Variants in MYLK observed in about 807,000 individuals in gnomAD.
MYLK encodes myosin light chain kinase, also known as myosin light chain kinase, smooth muscle.
A neutral mutation model predicts 203.4 loss-of-function variants in MYLK; 106 were observed. The ratio of observed to expected loss-of-function variants is 0.52; its 90% CI spans 0.45 to 0.61. The LOEUF (loss-of-function observed/expected upper bound fraction) is 0.61. MYLK is among the 20% of genes least tolerant of loss of function. The probability of loss-of-function intolerance (pLI) is 0.00; values close to 1 mark genes in which losing one functional copy is unlikely to be tolerated. For synonymous variants in MYLK, 867 were observed against 959.5 expected, an observed-to-expected ratio of 0.90 and a Z score of 1.78; for missense variants, 2,072 against 2,442.3, an observed-to-expected ratio of 0.85 and a Z score of 3.20.
chr3:123,664,379 A>T lies in MYLK; in HGVS notation c.3832-121T>A, dbSNP rs2059667006. 55 of 1,317,422 alleles carry T rather than the reference A, an allele frequency of 4.2e-5. No homozygotes were observed. The South Asian group carries it at 6.5e-4, about 16-fold the overall frequency. The allele number at this position is 1,317,422 out of a possible 1,614,324, so 81.6% of individuals were successfully genotyped here. On this transcript the variant is annotated intron_variant, in intron 22 of 33. Coordinates refer to ENST00000360304, the MANE Select transcript of MYLK (RefSeq NM_053025.4). Reference sequence around the variant, plus strand: ...AGCTGGACAAGCTGTGGGGGGGCTCAGTCTGGTCTGGACTCTGCCCTTCTC... The same window carrying T: ...AGCTGGACAAGCTGTGGGGGGGCTCTGTCTGGTCTGGACTCTGCCCTTCTC...
intron 4 of MYLK, among the ~76,000 whole-genome samples, chr3:123,784,134 A>G (rs2064409134): frequency 6.6e-6 from 1 of 152,148 alleles, no homozygotes; most frequent in Non-Finnish European, 1.5e-5. Flanking sequence ...GTGTTGGGAG[A>G]TGCCTTGGAA....
chr3:123,809,267 G>A (rs896128212), intron 3 of MYLK, among the ~76,000 whole-genome samples: 3 of 152,232 alleles, frequency 2.0e-5, no homozygotes, highest in Non-Finnish European at 4.4e-5. Context: ...GCTCACGCCT[G>A]TAATCCCAGC....
intron 23 of MYLK, among the ~76,000 whole-genome samples, chr3:123,663,029 C>T (rs1438254917): frequency 6.6e-6 from 1 of 152,214 alleles, no homozygotes; most frequent in East Asian, 1.9e-4. Context: ...AAGGCTTTCA[C>T]ATGCACAACA....
At chr3:123,711,961 C>T (rs2061711017) in intron 13 of MYLK, among the ~76,000 whole-genome samples, 1 of 152,154 alleles carries the variant, frequency 6.6e-6, no homozygotes, top group African/African-American at 2.4e-5. Flanking sequence ...CTCTCCTAGC[C>T]CAGCCTCTGG....
intron 11 of MYLK, among the ~76,000 whole-genome samples, chr3:123,728,708 G>C (rs966605936): frequency 6.6e-6 from 1 of 152,150 alleles, no homozygotes; most frequent in African/African-American, 2.4e-5. Context: ...AAAACCGACA[G>C]TACCTATGGT....
intron 19 of MYLK, among the ~76,000 whole-genome samples, chr3:123,682,641 G>A (rs527580967): frequency 1.3e-5 from 2 of 152,300 alleles, no homozygotes; most frequent in African/African-American, 4.8e-5. Context: ...ACCTTCCCTG[G>A]CTTTCTCCTC....
chr3:123,682,044 G>A, intron 20 of MYLK, 180 bp downstream of exon 20: 1 of 674,266 alleles, frequency 1.5e-6, no homozygotes, highest in Admixed American at 2.0e-5. Context: ...GGTGAGAAAA[G>A]GCCACTGGCT....
intron 4 of MYLK, among the ~76,000 whole-genome samples, chr3:123,769,663 A>G (rs527780994): frequency 6.6e-6 from 1 of 152,174 alleles, no homozygotes; most frequent in Non-Finnish European, 1.5e-5. Flanking sequence ...GGGCCTCATC[A>G]CGGCTTATAA....
intron 4 of MYLK, among the ~76,000 whole-genome samples, chr3:123,781,015 G>A (rs927640992): frequency 6.6e-6 from 1 of 152,198 alleles, no homozygotes; most frequent in Non-Finnish European, 1.5e-5. Flanking sequence ...AAGAAGCAGG[G>A]TAGCACTATG....
chr3:123,777,749 T>C (rs2064132812), intron 4 of MYLK, among the ~76,000 whole-genome samples: 1 of 151,852 alleles, frequency 6.6e-6, no homozygotes, highest in African/African-American at 2.4e-5. Flanking sequence ...GAGCCAGGGG[T>C]CTCCAGTCTA....
At chr3:123,699,592 C>T (rs1322394294) in intron 18 of MYLK, among the ~76,000 whole-genome samples, 1 of 152,260 alleles carries the variant, frequency 6.6e-6, no homozygotes, top group Non-Finnish European at 1.5e-5. Context: ...CAGCTCTTTA[C>T]TCAGAGCTTC....
intron 2 of MYLK, among the ~76,000 whole-genome samples, chr3:123,873,063 T>C (rs906772167): frequency 2.0e-5 from 3 of 152,092 alleles, no homozygotes; most frequent in African/African-American, 7.2e-5. Context: ...CTCACCACTC[T>C]CACTCAGGAA....
chr3:123,692,358 C>T, intron 19 of MYLK: 2 of 1,175,382 alleles, frequency 1.7e-6, no homozygotes, highest in Non-Finnish European at 2.1e-6. Flanking sequence ...GGTCGTCCTG[C>T]CAGCTCGGAC....
chr3:123,801,025 G>A (rs1324473304), intron 3 of MYLK, among the ~76,000 whole-genome samples: 2 of 152,056 alleles, frequency 1.3e-5, no homozygotes, highest in Non-Finnish European at 2.9e-5. Flanking sequence ...CATTTTAAGA[G>A]AAAAATATAT....
At chr3:123,831,365 C>A (rs1253387212) in intron 3 of MYLK, 183 bp downstream of exon 3, 2 of 1,288,158 alleles carry the variant, frequency 1.6e-6, no homozygotes, top group South Asian at 1.2e-5. Context: ...AATCAACAGA[C>A]AATGCTACAG....
At chr3:123,659,759 T>C in intron 23 of MYLK, 1 of 506,416 alleles carries the variant, frequency 2.0e-6, no homozygotes, top group Non-Finnish European at 3.9e-6. Context: ...ACACTCAGAC[T>C]GGGAGGGAGA....
intron 20 of MYLK, among the ~76,000 whole-genome samples, chr3:123,678,525 G>T (rs1473921428): frequency 6.6e-6 from 1 of 151,984 alleles, no homozygotes; most frequent in Admixed American, 6.6e-5. Context: ...CAGGGAGGGG[G>T]GTGTGCAGAA....
At chr3:123,854,047 T>G (rs2031120657) in intron 2 of MYLK, among the ~76,000 whole-genome samples, 1 of 151,402 alleles carries the variant, frequency 6.6e-6, no homozygotes, top group Admixed American at 6.6e-5. Flanking sequence ...TGCTGGAAGA[T>G]GAGAAGCAAT....
chr3:123,664,385 G>T, intron 22 of MYLK, 127 bp from the exon 23 acceptor site: 4 of 1,320,076 alleles, frequency 3.0e-6, no homozygotes, highest in Non-Finnish European at 4.3e-6. Context: ...GCTCAGTCTG[G>T]TCTGGACTCT....
Sources: gnomAD v4.1 joint callset for allele counts (sites outside exome capture counted in the v4.1 genomes callset) on GRCh38, gnomAD v4.1.1 for gene constraint, MANE v1.5 for transcripts, NCBI Gene and HGNC (gene_info 2026-07-23, HGNC 2026-07-21) for gene names.